ZNF577: variants seen among roughly 807,000 people sequenced by gnomAD.
ZNF577 encodes zinc finger protein 577.
In ZNF577, 14 loss-of-function variants were observed where a neutral mutation model predicts 13.9. The observed-to-expected ratio is 1.00, with a 90% CI of 0.66 to 1.57. ZNF577 has a LOEUF of 1.57. ZNF577 is among the 40% of genes most tolerant of loss of function. ZNF577 has a pLI of 0.00. For synonymous variants in ZNF577, 203 were observed against 202.9 expected, an observed-to-expected ratio of 1.00 and a Z score of 0.00; for missense variants, 555 against 579.2, an observed-to-expected ratio of 0.96 and a Z score of 0.43.
chr19:51,864,337 T>C (rs1448326175), downstream of ZNF577, among the ~76,000 whole-genome samples: 2 of 152,228 alleles, frequency 1.3e-5, no homozygotes, highest in Admixed American at 1.3e-4. Context: ...TTTATTTTAA[T>C]GTTCAGGGAT....
At chr19:51,885,969 T>C (rs1488743517) in intron 1 of ZNF577, 1 of 152,228 alleles carries the variant, frequency 6.6e-6, no homozygotes, top group Admixed American at 6.5e-5. Context: ...AGAAACGAGC[T>C]ACTGCTATAT....
intron 9 of ZNF577, among the ~76,000 whole-genome samples, chr19:51,819,828 G>A (rs1434631011): frequency 6.6e-6 from 1 of 152,142 alleles, no homozygotes; most frequent in Non-Finnish European, 1.5e-5. Context: ...CTTTTTAAAG[G>A]GAAGGGATAG....
Position 51,867,348 on chromosome 19 carries a change from G to T in ZNF577, c.*5184C>A, listed in dbSNP as rs932251555. Among the ~76,000 whole-genome samples, 17 of 152,054 alleles carry T rather than the reference G, an allele frequency of 1.1e-4. No homozygotes were observed. The highest frequency in any genetic ancestry group is 3.9e-4 in the African/African-American group (16 of 41,400). On this transcript the variant is annotated 3_prime_UTR_variant, in exon 6 of 6. Transcript: ENST00000638348. The stretch of plus-strand genomic sequence containing the variant: ...ATTTCTAAGGTATGATCTAGATATT[G>T]TCTTTTCTGATTCTGAACATCGGAC...
intron 9 of ZNF577, among the ~76,000 whole-genome samples, chr19:51,823,291 G>T (rs970409927): frequency 1.3e-5 from 2 of 152,166 alleles, no homozygotes; most frequent in African/African-American, 4.8e-5. Flanking sequence ...CTCACAGTGG[G>T]AGGGACAGGA....
intron 10 of ZNF577, among the ~76,000 whole-genome samples, chr19:51,809,316 G>A (rs931932426): frequency 1.3e-5 from 2 of 152,192 alleles, no homozygotes; most frequent in Non-Finnish European, 2.9e-5. Flanking sequence ...TAGGGATGTA[G>A]AAGTTAATTG....
intron 5 of ZNF577, among the ~76,000 whole-genome samples, chr19:51,859,307 T>G (rs1245183399): frequency 6.6e-6 from 1 of 152,180 alleles, no homozygotes; most frequent in Non-Finnish European, 1.5e-5. Flanking sequence ...CTATAAACAT[T>G]CATGGACAAA....
At chr19:51,847,800 C>T (rs1356007164) in intron 5 of ZNF577, among the ~76,000 whole-genome samples, 1 of 152,200 alleles carries the variant, frequency 6.6e-6, no homozygotes, top group Non-Finnish European at 1.5e-5. Context: ...CAAATGTAAT[C>T]TCACACAGGA....
At chr19:51,853,433 A>G (rs2084389444) in intron 5 of ZNF577, among the ~76,000 whole-genome samples, 1 of 152,236 alleles carries the variant, frequency 6.6e-6, no homozygotes, top group African/African-American at 2.4e-5. Flanking sequence ...TCATGCAAAA[A>G]GGGCACTACC....
At chr19:51,829,347 T>G (rs1485195092) in intron 9 of ZNF577, among the ~76,000 whole-genome samples, 1 of 152,032 alleles carries the variant, frequency 6.6e-6, no homozygotes, top group Non-Finnish European at 1.5e-5. Context: ...TTGTGGGTAA[T>G]TAACATTGTC....
chr19:51,877,435 G>A, intron 4 of ZNF577, 58 bp from the exon 5 acceptor site: 1 of 1,401,818 alleles, frequency 7.1e-7, no homozygotes, highest in Non-Finnish European at 1.0e-6. Flanking sequence ...GGATGAAGAT[G>A]GAGAGGGTTA....
intron 9 of ZNF577, among the ~76,000 whole-genome samples, chr19:51,830,230 C>T (rs775245143): frequency 1.3e-5 from 2 of 151,684 alleles, no homozygotes; most frequent in Non-Finnish European, 2.9e-5. Flanking sequence ...TCTCTGTCTA[C>T]TTTATCATGC....
intron 1 of ZNF577, chr19:51,886,263 TTCTAC>T (rs1024352213): frequency 1.3e-5 from 2 of 152,040 alleles, no homozygotes; most frequent in African/African-American, 4.8e-5. Flanking sequence ...TTTTTTAACT[TTCTAC>T]TATGAAAAAT....
intron 1 of ZNF577, among the ~76,000 whole-genome samples, chr19:51,884,177 C>T (rs1269929240): frequency 2.6e-5 from 4 of 151,968 alleles, no homozygotes; most frequent in African/African-American, 7.3e-5. Context: ...TTTGGGAAGC[C>T]GAGGCAGAAG....
chr19:51,832,181 GAGAA>G (rs2084264305), intron 9 of ZNF577, among the ~76,000 whole-genome samples: 1 of 152,022 alleles, frequency 6.6e-6, no homozygotes, highest in Non-Finnish European at 1.5e-5. Context: ...ATTTTTCAGT[GAGAA>G]AGAGAGTGGG....
chr19:51,813,161 C>CACACACA (rs71304202), intron 9 of ZNF577, among the ~76,000 whole-genome samples: 2 of 149,424 alleles, frequency 1.3e-5, no homozygotes, highest in Non-Finnish European at 3.0e-5. Flanking sequence ...CACACACACA[C>CACACACA]CCCATAAATT....
In ZNF577 at chr19:51,867,368, T is replaced by A. The variant is rs2084581315; in HGVS notation, c.*5164A>T. ...ATATTGTCTTTTCTGATTCTGAACA[T>A]CGGACAAAAGATCTCTTTTCAAGAG... On this transcript the variant is annotated 3_prime_UTR_variant, in exon 6 of 6. Coordinates refer to ENST00000638348, the MANE Select transcript of ZNF577 (RefSeq NM_001370449.1). 6.6e-6 allele frequency among the ~76,000 whole-genome samples: 1 copy of A among 152,154 alleles called. No individual in the cohort carries two copies. The highest frequency in any genetic ancestry group is 1.5e-5 in the Non-Finnish European group (1 of 68,024).
Position 51,823,848 on chromosome 19 carries a change from G to A in ZNF577, c.*600-12174C>T, listed in dbSNP as rs201759424. 1.0e-4 allele frequency: 168 copies of A among 1,613,908 alleles called. No homozygotes were observed. The highest frequency in any genetic ancestry group is 5.9e-5 in the Non-Finnish European group (70 of 1,179,986). ...GTGGATCTTCTCATTGCTAGTCCAC[G>A]GAGTCACCTTTGTCTTCGGGGTCCT... On this transcript the variant is annotated intron_variant and NMD_transcript_variant, in intron 9 of 10. Transcript: ENST00000638827.
At position 51,870,735 on chromosome 19, in the gene ZNF577, T is replaced by G. The variant is rs7256478; in HGVS notation, c.*1797A>C. On this transcript the variant is annotated 3_prime_UTR_variant, in exon 6 of 6. Transcript: ENST00000638348. ...ATCCAATTCATGAATTTGGGCCACC[T>G]TGAATTCCTCAAACCCTAAACTCTG... 0.1 allele frequency among the ~76,000 whole-genome samples: 15,219 copies of G among 152,086 alleles called. 1,436 individuals carry two copies. Among genetic ancestry groups the G allele is most frequent in the South Asian group, 0.25 (1,203 of 4,810 alleles).
chr19:51,884,128 T>C (rs2084906601), intron 1 of ZNF577, among the ~76,000 whole-genome samples: 1 of 152,020 alleles, frequency 6.6e-6, no homozygotes, highest in Admixed American at 6.6e-5. Context: ...GAAAATGGTC[T>C]AGGATGGGTG....
Sources: gnomAD v4.1 joint callset for allele counts (sites outside exome capture counted in the v4.1 genomes callset) on GRCh38, gnomAD v4.1.1 for gene constraint, MANE v1.5 for transcripts, NCBI Gene and HGNC (gene_info 2026-07-23, HGNC 2026-07-21) for gene names.